Variants in P2RX6 observed in about 807,000 individuals in gnomAD.
The protein encoded by P2RX6 is P2X purinoceptor 6.
In P2RX6, 62 loss-of-function variants were observed where a neutral mutation model predicts 54.2. The ratio of observed to expected loss-of-function variants is 1.14; its 90% CI spans 0.93 to 1.41. P2RX6 has a LOEUF of 1.41. P2RX6 is among the 40% of genes most tolerant of loss of function. The probability of loss-of-function intolerance (pLI) is 0.00; values close to 1 mark genes in which losing one functional copy is unlikely to be tolerated. For synonymous variants in P2RX6, 211 were observed against 231.9 expected (o/e 0.91, Z 0.82); for missense variants, 541 against 566.3 (o/e 0.96, Z 0.45).
At chr22:21,024,024 C>T (rs567155949) in intron 8 of P2RX6, among the ~76,000 whole-genome samples, 2 of 151,716 alleles carry the variant, frequency 1.3e-5, no homozygotes, top group South Asian at 2.1e-4. Context: ...GGCCCGACCT[C>T]GGCTCACTGT....
At chr22:21,020,365 C>G (rs1187536107) in intron 3 of P2RX6, among the ~76,000 whole-genome samples, 1 of 152,158 alleles carries the variant, frequency 6.6e-6, no homozygotes, top group Non-Finnish European at 1.5e-5. Flanking sequence ...CCTGATCCCT[C>G]CCTTACATGC....
At chr22:21,016,394 C>G (rs1253639538) in intron 2 of P2RX6, among the ~76,000 whole-genome samples, 1 of 151,968 alleles carries the variant, frequency 6.6e-6, no homozygotes, top group Non-Finnish European at 1.5e-5. Flanking sequence ...TTGAGAGTAT[C>G]CTGGCTAACA....
chr22:21,011,616 C>T, upstream of P2RX6: 2 of 711,788 alleles, frequency 2.8e-6, no homozygotes, highest in Non-Finnish European at 5.2e-6. Context: ...ACTCCTCAGC[C>T]AGTGGGATGC....
At chr22:21,014,280 CGCG>C (rs1925974731), upstream of P2RX6, 1 of 152,756 alleles carries the variant, frequency 6.5e-6, no homozygotes, top group Non-Finnish European at 1.5e-5. Flanking sequence ...TCACTTAGAG[CGCG>C]ACCCGGGGAT....
intron 2 of P2RX6, among the ~76,000 whole-genome samples, chr22:21,017,117 G>A (rs1338867622): frequency 1.3e-5 from 2 of 151,692 alleles, no homozygotes; most frequent in Admixed American, 1.3e-4. Context: ...TGCCCCTCTC[G>A]CCTCCTCCCT....
At position 21,025,918 on chromosome 22, in the gene P2RX6, A is replaced by T. The variant is rs185174296; in HGVS notation, c.984+20A>T. On this transcript the variant is annotated intron_variant, in intron 9 of 11. Transcript: ENST00000413302. ...GGGCAGGTAGGCACAGGTAGGGGTC[A>T]GGCCGGGGATGGGATGGGGCAGGCA... 2 of 1,580,174 alleles carry T rather than the reference A, an allele frequency of 1.3e-6. No homozygotes were observed. Among genetic ancestry groups the T allele is most frequent in the South Asian group, 1.2e-5 (1 of 86,570 alleles).
chr22:21,014,941 C>T (rs1481314791), upstream of P2RX6: 3 of 444,972 alleles, frequency 6.7e-6, no homozygotes, highest in Non-Finnish European at 1.2e-5. Context: ...GAAGTGAGGC[C>T]AGAGGGCAGG....
rs558182956 is a variant in P2RX6 at position 21,023,612 on chromosome 22, A to G, written c.884A>G (p.Asn295Ser). 1.2e-6 allele frequency: 2 copies of G among 1,601,972 alleles called. No homozygotes were observed. The highest frequency in any genetic ancestry group is 2.2e-5 in the East Asian group (1 of 44,472). The change falls in exon 8 of 12, where the codon AAC (asparagine) becomes AGC (serine). Residue 295 changes from asparagine to serine, a missense_variant. Physicochemically the swap from Asn to Ser is conservative, Grantham distance 46. This residue lies in a region of P2RX6 where 526 missense variants were observed against 531.5 expected (regional missense o/e 0.99). Transcript: ENST00000413302. ...TTCCAGCTGCAGGAGAAGAGCTACAACTTCAGGTGAGGCCCCACTGCTCCC... is the reference window on the plus strand; with the variant it reads ...TTCCAGCTGCAGGAGAAGAGCTACAGCTTCAGGTGAGGCCCCACTGCTCCC... ...YSFQLQEKSY[N>S]FRTATHWWEQ...
intron 8 of P2RX6, 104 bp downstream of exon 8, chr22:21,023,722 T>G: frequency 1.3e-6 from 1 of 795,250 alleles, no homozygotes; most frequent in Non-Finnish European, 2.1e-6. Flanking sequence ...GATATTCCAC[T>G]ACGTGTGCAA....
At chr22:21,012,043 C>T (rs1399039643), upstream of P2RX6, among the ~76,000 whole-genome samples, 1 of 152,200 alleles carries the variant, frequency 6.6e-6, no homozygotes, top group East Asian at 1.9e-4. Context: ...ACCACAGCCC[C>T]AAGCCTATGA....
chr22:21,023,415 TGGTGG>T lies in P2RX6; in HGVS notation c.780+1_780+5del. On this transcript the variant is annotated splice_donor_variant and splice_donor_region_variant and coding_sequence_variant and intron_variant, in exon 7 of 12. Coordinates refer to ENST00000413302, the MANE Select transcript of P2RX6 (RefSeq NM_005446.5). LOFTEE classifies it high-confidence loss of function. ...GGGACCTTCGAGGACCTGGCGTTGC[TGGTGG>T]GTCCCAAGTTGGGGGCAGGGTTCCT... 2.5e-6 allele frequency: 4 copies of T among 1,614,012 alleles called. No individual in the cohort carries two copies. The highest frequency in any genetic ancestry group is 3.4e-6 in the Non-Finnish European group (4 of 1,179,886).
chr22:21,015,803 GC>G, intron 1 of P2RX6, 138 bp from the exon 2 acceptor site: 1 of 820,802 alleles, frequency 1.2e-6, no homozygotes, highest in Non-Finnish European at 1.9e-6. Flanking sequence ...GGGAAGTGGG[GC>G]CAGAGAGGAG....
At chr22:21,018,666 T>C (rs184817178) in intron 3 of P2RX6, 13 of 155,890 alleles carry the variant, frequency 8.3e-5, no homozygotes, top group African/African-American at 3.1e-4. Context: ...CACGCTGGAG[T>C]GCAGTGGCAG....
chr22:21,010,624 T>C (rs1385628400), upstream of P2RX6, among the ~76,000 whole-genome samples: 1 of 152,000 alleles, frequency 6.6e-6, no homozygotes, highest in Admixed American at 6.6e-5. Context: ...TCACCCAGGG[T>C]CACAGGTGAT....
At chr22:21,013,635 C>G (rs1313698712), upstream of P2RX6, 1 of 152,226 alleles carries the variant, frequency 6.6e-6, no homozygotes, top group Non-Finnish European at 1.5e-5. Flanking sequence ...CTAATCCTGC[C>G]AGAGTCAGGC....
At position 21,026,316 on chromosome 22, in the gene P2RX6, C is replaced by T. The variant is rs1478953193; in HGVS notation, c.1115C>T (p.Thr372Ile). 4 of 1,606,314 alleles carry T rather than the reference C, an allele frequency of 2.5e-6. No individual in the cohort carries two copies. Among genetic ancestry groups the T allele is most frequent in the Non-Finnish European group, 3.4e-6 (4 of 1,176,732 alleles). Residue 372 changes from threonine to isoleucine, a missense_variant, in exon 11 of 12, where the codon ACA (threonine) becomes ATA (isoleucine). This residue lies in a region of P2RX6 where 526 missense variants were observed against 531.5 expected (regional missense o/e 0.99). Coordinates refer to ENST00000413302, the MANE Select transcript of P2RX6 (RefSeq NM_005446.5). This position sits in a 1 kb window ranked among gnomAD's most constrained non-coding sequence, Gnocchi z 4.0. The stretch of plus-strand genomic sequence containing the variant: ...AGAGAAGCCCATTTCTACTGGAGGA[C>T]AAAGTATGAGGAGGTGAGCTGAGGT... ...VDREAHFYWR[T>I]KYEEAKAPKA... is the part of the protein sequence containing the mutation.
chr22:21,017,878 T>C (rs1467795961), intron 2 of P2RX6, 111 bp from the exon 3 acceptor site: 2 of 733,572 alleles, frequency 2.7e-6, no homozygotes, highest in African/African-American at 1.7e-5. Context: ...GGGGACAGGG[T>C]TAATGACTTG....
At chr22:21,012,476 G>T, upstream of P2RX6, 1 of 492,902 alleles carries the variant, frequency 2.0e-6, no homozygotes, top group Non-Finnish European at 3.9e-6. Context: ...GCACATCCCT[G>T]AGGAAAGGGA....
Position 21,015,924 on chromosome 22 carries a change from C to T in P2RX6, c.165-18C>T, listed in dbSNP as rs1926288015. On this transcript the variant is annotated intron_variant, in intron 1 of 11. Transcript: ENST00000413302. ...ACACGCTGGGGACACACCACACTGC[C>T]CGACTTCTCCTCCCCAGGTGGGCTC... 2 of 1,548,782 alleles carry T rather than the reference C, an allele frequency of 1.3e-6. No homozygotes were observed. The highest frequency in any genetic ancestry group is 2.4e-5 in the East Asian group (1 of 40,922).
Sources: allele counts gnomAD v4.1 joint callset (sites outside exome capture counted in the v4.1 genomes callset), GRCh38; gene constraint gnomAD v4.1.1; regional missense constraint gnomAD v4.1.1; non-coding constraint Gnocchi (gnomAD v3.1); transcripts MANE v1.5; gene names NCBI Gene and HGNC (gene_info 2026-07-23, HGNC 2026-07-21).